The following VPS4A variants were observed in gnomAD, a reference collection of about 807,000 sequenced individuals.
The protein encoded by VPS4A is vacuolar protein sorting-associated protein 4A.
A neutral mutation model predicts 52.3 loss-of-function variants in VPS4A; 20 were observed. That is an observed-to-expected ratio of 0.38 (90% CI 0.27 to 0.56). The LOEUF is 0.56. Among genes scored for constraint, VPS4A ranks in the 20% least tolerant of loss-of-function variants. The pLI is 0.72. For synonymous variants in VPS4A, 293 were observed against 227.7 expected, an observed-to-expected ratio of 1.29 and a Z score of -2.58; for missense variants, 419 against 575.9, an observed-to-expected ratio of 0.73 and a Z score of 2.79.
In VPS4A at chr16:69,320,373, G is replaced by C. The variant is rs1486131385; in HGVS notation, c.769+84G>C. 1 of 1,557,924 alleles carries C rather than the reference G, an allele frequency of 6.4e-7. No individual in the cohort carries two copies. Among genetic ancestry groups the C allele is most frequent in the African/African-American group, 1.4e-5 (1 of 73,610 alleles). ...TTTATTCTGAGCTGCGGCTGGATTT[G>C]GTTGTTCTCAGCCTCGGAGAGGCAC... On this transcript the variant is annotated intron_variant, in intron 7 of 10. Transcript: ENST00000254950. This position sits in a 1 kb window ranked among gnomAD's most constrained non-coding sequence, Gnocchi z 4.2.
chr16:69,321,326 GT>G lies in VPS4A; in HGVS notation c.1071+66del, dbSNP rs986634032. ...TCTCATAGTAAGAGCGGGATGTTCG[GT>G]TTTTTTTTTCCCAGCTCCTGGTCCT... On this transcript the variant is annotated intron_variant, in intron 9 of 10. Coordinates refer to ENST00000254950, the MANE Select transcript of VPS4A (RefSeq NM_013245.3). This position sits in a 1 kb window ranked among gnomAD's most constrained non-coding sequence, Gnocchi z 4.5. 3.2e-4 allele frequency: 449 copies of G among 1,390,640 alleles called. 3 individuals carry two copies. The highest frequency in any genetic ancestry group is 2.0e-3 in the African/African-American group (139 of 69,014). 86.1% of individuals were successfully genotyped at this position (1,390,640 alleles called of 1,614,324 possible). A position where few individuals can be genotyped will look rare whatever the true frequency, so the allele number is the denominator to read the frequency against.
At position 69,324,585 on chromosome 16, in the gene VPS4A, T is replaced by C; in HGVS notation, c.*276T>C. The C allele has an allele frequency of 2.4e-6, 1 of 412,984 alleles. No individual in the cohort carries two copies. The highest frequency in any genetic ancestry group is 4.5e-6 in the Non-Finnish European group (1 of 222,026). 25.6% of individuals were successfully genotyped at this position (412,984 alleles called of 1,614,324 possible). On this transcript the variant is annotated 3_prime_UTR_variant, in exon 11 of 11. Transcript: ENST00000254950. ...TCTGCCTCCCCCCCTTTTTTTTCCA[T>C]CTTTTGTTCCCCTAAATTAATGCTG... is the stretch of plus-strand genomic sequence containing the variant.
intron 1 of VPS4A, among the ~76,000 whole-genome samples, chr16:69,315,588 G>A (rs1479551141): frequency 3.3e-5 from 5 of 152,176 alleles, no homozygotes; most frequent in Admixed American, 2.6e-4. Flanking sequence ...CCCTGAGGCC[G>A]GGTGCAATTT....
chr16:69,320,649 G>T lies in VPS4A; in HGVS notation c.770-39G>T. 1 of 1,549,442 alleles carries T rather than the reference G, an allele frequency of 6.5e-7. No individual in the cohort carries two copies. On this transcript the variant is annotated intron_variant, in intron 7 of 10. Transcript: ENST00000254950. This position sits in a 1 kb window ranked among gnomAD's most constrained non-coding sequence, Gnocchi z 4.2. ...CCCAGGTTTCAACTGACCCGTGCAG[G>T]TGTCCAGAGTCTGAGTCTTTGTCTC...
chr16:69,321,352 T>G lies in VPS4A; in HGVS notation c.1071+82T>G, dbSNP rs1965509029. 2.8e-6 allele frequency: 4 copies of G among 1,449,964 alleles called. No individual in the cohort carries two copies. The highest frequency in any genetic ancestry group is 2.5e-5 in the South Asian group (2 of 79,132). The allele number at this position is 1,449,964 out of a possible 1,614,324, so 89.8% of individuals were successfully genotyped here. A position where few individuals can be genotyped will look rare whatever the true frequency, so the allele number is the denominator to read the frequency against. On this transcript the variant is annotated intron_variant, in intron 9 of 10. Transcript: ENST00000254950. This position sits in a 1 kb window ranked among gnomAD's most constrained non-coding sequence, Gnocchi z 4.5. The stretch of plus-strand genomic sequence containing the variant: ...TTTTTTTTTTCCCAGCTCCTGGTCC[T>G]GCTCCCCGGCTGCTCAGGTGACACA...
At chr16:69,323,620 G>A (rs1281672692) in intron 10 of VPS4A, 1 of 455,982 alleles carries the variant, frequency 2.2e-6, no homozygotes, top group Non-Finnish European at 4.4e-6. Context: ...CCTGGCAAGG[G>A]TCTGCCCTTG....
chr16:69,315,827 C>T (rs530003915), intron 1 of VPS4A, among the ~76,000 whole-genome samples, 181 bp from the exon 2 acceptor site: 7 of 152,286 alleles, frequency 4.6e-5, no homozygotes, highest in African/African-American at 1.4e-4. Context: ...GGCTGGTTTT[C>T]AAAGCCTTCT....
chr16:69,322,754 G>A (rs774698061), intron 10 of VPS4A, 54 bp downstream of exon 10: 6 of 1,561,036 alleles, frequency 3.8e-6, no homozygotes, highest in Non-Finnish European at 5.2e-6. Flanking sequence ...AGAAAATTGA[G>A]GGTTTGGGTC....
chr16:69,319,024 G>A, intron 5 of VPS4A, 82 bp downstream of exon 5: 2 of 1,557,628 alleles, frequency 1.3e-6, no homozygotes, highest in Non-Finnish European at 8.6e-7. Context: ...CCGGGAGTCA[G>A]TGGCGACTCA....
intron 3 of VPS4A, among the ~76,000 whole-genome samples, chr16:69,318,419 C>T (rs1335081350): frequency 1.3e-5 from 2 of 152,224 alleles, no homozygotes; most frequent in East Asian, 3.8e-4. Flanking sequence ...ATCTGCTCCG[C>T]GAAGAAACAG....
chr16:69,319,004 T>G, intron 5 of VPS4A, 62 bp downstream of exon 5: 1 of 1,583,388 alleles, frequency 6.3e-7, no homozygotes. Flanking sequence ...GGGCTGGCAC[T>G]CCGAGGCACC....
rs371999778 is a variant in VPS4A at position 69,316,077 on chromosome 16, C to T, written c.91C>T (p.Leu31=). Reference sequence around the variant, plus strand: ...CAAGAACTACGAGGAGGCGCTGCGGCTGTACCAGCATGCGGTGGAGTACTT... The same window carrying T: ...CAAGAACTACGAGGAGGCGCTGCGGTTGTACCAGCATGCGGTGGAGTACTT... The part of the protein sequence containing the change: ...KAKNYEEALR[L]YQHAVEYFLH... The change falls in exon 2 of 11, where the codon CTG becomes TTG. Residue 31 remains leucine, a synonymous_variant. Coordinates refer to ENST00000254950, the MANE Select transcript of VPS4A (RefSeq NM_013245.3). 31 of 1,613,400 alleles carry T rather than the reference C, an allele frequency of 1.9e-5. No homozygotes were observed. The highest frequency in any genetic ancestry group is 2.5e-5 in the Non-Finnish European group (30 of 1,179,890).
In VPS4A at chr16:69,321,763, A is replaced by G; in HGVS notation, c.1071+493A>G. 1 of 183,848 alleles carries G rather than the reference A, an allele frequency of 5.4e-6. No individual in the cohort carries two copies. The highest frequency in any genetic ancestry group is 5.4e-5 in the Admixed American group (1 of 18,446). The allele number at this position is 183,848 out of a possible 1,614,324, so 11.4% of individuals were successfully genotyped here. ...TGGTGGGGAGACAGTCAACACAGTC[A>G]GTGAGTGTCTCAGAGGATGGAGATG... On this transcript the variant is annotated intron_variant, in intron 9 of 10. Coordinates refer to ENST00000254950, the MANE Select transcript of VPS4A (RefSeq NM_013245.3). This position sits in a 1 kb window ranked among gnomAD's most constrained non-coding sequence, Gnocchi z 4.5.
intron 1 of VPS4A, among the ~76,000 whole-genome samples, chr16:69,312,282 C>T (rs567755591): frequency 3.3e-5 from 5 of 152,090 alleles, no homozygotes; most frequent in South Asian, 4.1e-4. Flanking sequence ...TGAATAATTA[C>T]GGTAAAGCAT....
At position 69,311,540 on chromosome 16, in the gene VPS4A, G is replaced by A. The variant is rs1965377662; in HGVS notation, c.21+8G>A. ...ACAACGTCAACCCTCCAGGTACTTC[G>A]TGCGGCCCGGCCCGACTTCGGAGGC... is the stretch of plus-strand genomic sequence containing the variant. On this transcript the variant is annotated splice_region_variant and intron_variant, in intron 1 of 10. Coordinates refer to ENST00000254950, the MANE Select transcript of VPS4A (RefSeq NM_013245.3). 5 of 1,332,192 alleles carry A rather than the reference G, an allele frequency of 3.8e-6. No individual in the cohort carries two copies. The highest frequency in any genetic ancestry group is 4.9e-6 in the Non-Finnish European group (5 of 1,028,168). 82.5% of individuals were successfully genotyped at this position (1,332,192 alleles called of 1,614,324 possible). A position where few individuals can be genotyped will look rare whatever the true frequency, so the allele number is the denominator to read the frequency against.
intron 2 of VPS4A, 37 bp from the exon 3 acceptor site, chr16:69,316,188 G>A (rs764871006): frequency 1.1e-5 from 17 of 1,612,612 alleles, no homozygotes; most frequent in Admixed American, 5.0e-5. Flanking sequence ...GGTGGCGCAC[G>A]AGCCTCACAG....
intron 3 of VPS4A, 74 bp downstream of exon 3, chr16:69,316,446 G>A (rs1040540465): frequency 1.3e-6 from 2 of 1,569,534 alleles, no homozygotes; most frequent in Non-Finnish European, 8.6e-7. Flanking sequence ...CGCTCATGCT[G>A]CCTTGGACTT....
chr16:69,319,307 T>A, intron 5 of VPS4A, 80 bp from the exon 6 acceptor site: 1 of 1,566,088 alleles, frequency 6.4e-7, no homozygotes, highest in Middle Eastern at 1.7e-4. Context: ...TTTTACTGTA[T>A]GTATGGGACT....
chr16:69,313,858 G>C (rs1226968912), intron 1 of VPS4A, among the ~76,000 whole-genome samples: 2 of 152,078 alleles, frequency 1.3e-5, no homozygotes, highest in Admixed American at 6.6e-5. Flanking sequence ...CGTGTTACTA[G>C]AGATGCGGCG....
Sources: gnomAD v4.1 joint callset for allele counts (sites outside exome capture counted in the v4.1 genomes callset) on GRCh38, gnomAD v4.1.1 for gene constraint, Gnocchi (gnomAD v3.1) non-coding constraint, MANE v1.5 for transcripts, NCBI Gene and HGNC (gene_info 2026-07-23, HGNC 2026-07-21) for gene names.